The following GAS7 variants were observed in gnomAD, a reference collection of about 807,000 sequenced individuals.
GAS7 encodes the protein growth arrest specific 7, also known as growth arrest-specific protein 7.
GAS7 carries 28 observed loss-of-function variants against 71.1 expected under a neutral mutation model. The observed-to-expected ratio is 0.39, with a 90% CI of 0.29 to 0.54. The LOEUF is 0.54. Among genes scored for constraint, GAS7 ranks in the 20% least tolerant of loss-of-function variants. The probability of loss-of-function intolerance (pLI) is 0.62; values close to 1 mark genes in which losing one functional copy is unlikely to be tolerated. For missense variants in GAS7, 436 were observed against 627.8 expected (o/e 0.69, Z 3.27); for synonymous variants, 258 against 245.8 (o/e 1.05, Z -0.46).
intron 1 of GAS7, among the ~76,000 whole-genome samples, chr17:10,099,592 G>A (rs925609537): frequency 1.3e-5 from 2 of 152,106 alleles, no homozygotes. Flanking sequence ...GGGGAGTGGA[G>A]ACATTCCACA....
rs907900147 is a variant in GAS7, at chr17:9,947,110, C to T, written c.526-127G>A. 7.2e-5 allele frequency: 43 copies of T among 598,974 alleles called. 1 individual carries two copies. The highest frequency in any genetic ancestry group is 3.7e-4 in the South Asian group (19 of 51,474). 37.1% of individuals were successfully genotyped at this position (598,974 alleles called of 1,614,324 possible). On this transcript the variant is annotated intron_variant, in intron 5 of 13. Transcript: ENST00000432992. The stretch of plus-strand genomic sequence containing the variant: ...GACAGAACACGCACAGGGATCTTCC[C>T]GTGCTCCAGGGGCCAGCATTTCACA...
intron 5 of GAS7, among the ~76,000 whole-genome samples, chr17:9,953,739 A>G (rs1002518260): frequency 3.3e-5 from 5 of 152,332 alleles, no homozygotes; most frequent in African/African-American, 1.2e-4. Context: ...GCATGCATAC[A>G]TTTGTAATGA....
chr17:10,183,845 A>G (rs1239897169), intron 1 of GAS7, among the ~76,000 whole-genome samples: 6 of 141,096 alleles, frequency 4.3e-5, no homozygotes, highest in African/African-American at 1.1e-4. Context: ...CCGTCTCAGG[A>G]AAAAAAAAAA....
intron 1 of GAS7, among the ~76,000 whole-genome samples, chr17:10,182,999 C>G (rs1260047676): frequency 3.3e-5 from 5 of 152,158 alleles, no homozygotes; most frequent in Non-Finnish European, 7.3e-5. Context: ...AGGTAAGAAG[C>G]CATTAAGACT....
At chr17:10,136,300 A>C (rs16959351) in intron 1 of GAS7, among the ~76,000 whole-genome samples, 5,404 of 152,264 alleles carry the variant, frequency 0.035, 344 homozygotes, top group East Asian at 0.16. Flanking sequence ...GTTGGGCCTC[A>C]GAAAAGAATT....
intron 11 of GAS7, among the ~76,000 whole-genome samples, chr17:9,921,413 C>T (rs921728076): frequency 6.6e-6 from 1 of 152,008 alleles, no homozygotes; most frequent in Admixed American, 6.5e-5. Context: ...CCTCAGCCTC[C>T]GAAATGCAAA....
At chr17:10,118,896 T>C (rs1303118003) in intron 1 of GAS7, among the ~76,000 whole-genome samples, 1 of 152,046 alleles carries the variant, frequency 6.6e-6, no homozygotes, top group African/African-American at 2.4e-5. Context: ...AACGTACACA[T>C]GCCACATGGT....
chr17:10,000,106 T>C (rs2071211660), intron 2 of GAS7, among the ~76,000 whole-genome samples: 1 of 152,208 alleles, frequency 6.6e-6, no homozygotes, highest in Admixed American at 6.5e-5. Flanking sequence ...TGTTTCATAC[T>C]GAGATGGTCA....
chr17:10,147,371 G>A (rs984857034), intron 1 of GAS7, among the ~76,000 whole-genome samples: 2 of 152,252 alleles, frequency 1.3e-5, no homozygotes, highest in Middle Eastern at 3.4e-3. Context: ...TAATCACAGC[G>A]AAGTATAATA....
intron 2 of GAS7, among the ~76,000 whole-genome samples, chr17:9,987,832 C>T (rs2070700626): frequency 6.6e-6 from 1 of 152,246 alleles, no homozygotes; most frequent in African/African-American, 2.4e-5. Context: ...CTGCATCCTG[C>T]CTGCATTAGC....
intron 1 of GAS7, among the ~76,000 whole-genome samples, chr17:10,107,836 A>G (rs1193447701): frequency 7.2e-6 from 1 of 139,274 alleles, no homozygotes; most frequent in Admixed American, 7.1e-5. Flanking sequence ...CCAGTAGGGG[A>G]CTGGGTAGGA....
chr17:10,145,317 A>G (rs1218749637), intron 1 of GAS7, among the ~76,000 whole-genome samples: 1 of 152,226 alleles, frequency 6.6e-6, no homozygotes, highest in Admixed American at 6.5e-5. Flanking sequence ...AGTACACAGG[A>G]AGGAAAATGG....
intron 1 of GAS7, among the ~76,000 whole-genome samples, chr17:10,166,294 A>G (rs937992342): frequency 3.9e-5 from 6 of 152,198 alleles, no homozygotes; most frequent in African/African-American, 1.4e-4. Context: ...AAGTGGTGAG[A>G]TTGCAGGCGT....
chr17:10,156,668 G>A (rs999544844), intron 1 of GAS7, among the ~76,000 whole-genome samples: 2 of 152,162 alleles, frequency 1.3e-5, no homozygotes, highest in Admixed American at 1.3e-4. Context: ...GGAGATGAAG[G>A]TTCATGAGGA....
At chr17:10,142,598 C>T (rs570510669) in intron 1 of GAS7, among the ~76,000 whole-genome samples, 9 of 152,144 alleles carry the variant, frequency 5.9e-5, no homozygotes, top group Non-Finnish European at 1.0e-4. Flanking sequence ...GTGATCAGCC[C>T]GCCTCGGCCT....
intron 1 of GAS7, among the ~76,000 whole-genome samples, chr17:10,181,880 C>T (rs1456367907): frequency 6.6e-6 from 1 of 152,168 alleles, no homozygotes; most frequent in Non-Finnish European, 1.5e-5. Flanking sequence ...TACCGCTGGT[C>T]ATCCTCACTG....
chr17:9,919,438 C>T lies in GAS7; in HGVS notation c.1218+188G>A, dbSNP rs951328370. Reference sequence around the variant, plus strand: ...TGCCCACATCCACACAGCTAGGAAGCGCTGGAGCAGAGATCTGAATCCACA... The same window carrying T: ...TGCCCACATCCACACAGCTAGGAAGTGCTGGAGCAGAGATCTGAATCCACA... On this transcript the variant is annotated intron_variant, in intron 12 of 13. Transcript: ENST00000432992. The surrounding 1 kb of genome is among the most constrained non-coding windows in gnomAD (Gnocchi z 5.0). Among the ~76,000 whole-genome samples the T allele has an allele frequency of 1.3e-5, 2 of 152,126 alleles. No homozygotes were observed. The highest frequency in any genetic ancestry group is 6.5e-5 in the Admixed American group (1 of 15,278).
chr17:10,117,082 C>T, intron 1 of GAS7, among the ~76,000 whole-genome samples: 1 of 152,272 alleles, frequency 6.6e-6, no homozygotes, highest in East Asian at 1.9e-4. Flanking sequence ...TTTCACAGGG[C>T]TAAAGTCAAG....
chr17:10,078,077 GTGTTTTGTTT>G (rs201341780), intron 1 of GAS7, among the ~76,000 whole-genome samples: 126 of 149,964 alleles, frequency 8.4e-4, no homozygotes, highest in African/African-American at 2.8e-3. Flanking sequence ...GTGTGTGTGT[GTGTTTTGTTT>G]TGTTTTGTTT....
Sources: gnomAD v4.1 joint callset for allele counts (sites outside exome capture counted in the v4.1 genomes callset) on GRCh38, gnomAD v4.1.1 for gene constraint, Gnocchi (gnomAD v3.1) non-coding constraint, MANE v1.5 for transcripts, NCBI Gene and HGNC (gene_info 2026-07-23, HGNC 2026-07-21) for gene names.